KIF16B: variants seen among roughly 807,000 people sequenced by gnomAD.
KIF16B encodes kinesin family member 16B.
KIF16B carries 98 observed loss-of-function variants against 156.3 expected under a neutral mutation model. The ratio of observed to expected loss-of-function variants is 0.63; its 90% CI spans 0.53 to 0.74. The LOEUF (loss-of-function observed/expected upper bound fraction) is 0.74, where lower values mean the gene tolerates loss of function less well. KIF16B is among the 30% of genes least tolerant of loss of function. The probability of loss-of-function intolerance (pLI) is 0.00; values close to 1 mark genes in which losing one functional copy is unlikely to be tolerated. For missense variants in KIF16B, 1,421 were observed against 1,606.5 expected, an observed-to-expected ratio of 0.88 and a Z score of 1.97; for synonymous variants, 564 against 583.7, an observed-to-expected ratio of 0.97 and a Z score of 0.49.
chr20:16,442,650 C>T (rs758910431), intron 12 of KIF16B, among the ~76,000 whole-genome samples: 1 of 151,950 alleles, frequency 6.6e-6, no homozygotes, highest in Admixed American at 6.6e-5. Flanking sequence ...CTACTCTGCA[C>T]CATTCTTTCA....
intron 12 of KIF16B, among the ~76,000 whole-genome samples, chr20:16,482,470 T>G (rs1040015863): frequency 1.3e-5 from 2 of 152,000 alleles, no homozygotes; most frequent in Non-Finnish European, 2.9e-5. Flanking sequence ...TTGAGCCAAA[T>G]TCAAAACTAC....
chr20:16,423,993 G>A (rs2066289614), intron 15 of KIF16B, among the ~76,000 whole-genome samples: 1 of 152,020 alleles, frequency 6.6e-6, no homozygotes, highest in Admixed American at 6.6e-5. Context: ...GTCACTTCCT[G>A]GGCTAAAGGC....
chr20:16,536,838 A>T (rs2147204096), intron 1 of KIF16B, among the ~76,000 whole-genome samples: 1 of 151,760 alleles, frequency 6.6e-6, no homozygotes, highest in South Asian at 2.1e-4. Flanking sequence ...TCCACTGCAG[A>T]CTCTGGCTTC....
intron 3 of KIF16B, among the ~76,000 whole-genome samples, chr20:16,517,458 G>A (rs535858856): frequency 1.3e-5 from 2 of 152,250 alleles, no homozygotes; most frequent in South Asian, 2.1e-4. Context: ...TCATCAAAAC[G>A]CTACAGGGAG....
At chr20:16,319,073 T>A (rs1243736375) in intron 24 of KIF16B, among the ~76,000 whole-genome samples, 1 of 152,100 alleles carries the variant, frequency 6.6e-6, no homozygotes, top group Non-Finnish European at 1.5e-5. Flanking sequence ...CTCAAGAGTG[T>A]CAAGGTCACT....
intron 14 of KIF16B, among the ~76,000 whole-genome samples, chr20:16,428,572 T>C (rs761901): frequency 0.48 from 73,138 of 151,850 alleles, 18,360 homozygotes; most frequent in East Asian, 0.77. Context: ...TACAACCCTC[T>C]CCTTCAAAAG....
chr20:16,385,063 G>T (rs1278601155), intron 17 of KIF16B, among the ~76,000 whole-genome samples: 1 of 152,014 alleles, frequency 6.6e-6, no homozygotes, highest in Non-Finnish European at 1.5e-5. Context: ...CAGGCGTGGT[G>T]GTGGGCACCT....
chr20:16,488,763 C>T (rs1164527457), intron 12 of KIF16B, among the ~76,000 whole-genome samples: 1 of 152,142 alleles, frequency 6.6e-6, no homozygotes, highest in Non-Finnish European at 1.5e-5. Flanking sequence ...ACTAACTTCC[C>T]AGTTCCAAGA....
chr20:16,566,154 G>A (rs2071245901), intron 1 of KIF16B, among the ~76,000 whole-genome samples: 2 of 152,194 alleles, frequency 1.3e-5, no homozygotes, highest in Non-Finnish European at 2.9e-5. Flanking sequence ...TGCTTCTTCA[G>A]GGCTTTGTTT....
At chr20:16,530,281 T>C (rs1376897908) in intron 1 of KIF16B, among the ~76,000 whole-genome samples, 1 of 152,188 alleles carries the variant, frequency 6.6e-6, no homozygotes, top group African/African-American at 2.4e-5. Context: ...ATCCTTGCCC[T>C]TGACTATGGG....
chr20:16,570,071 A>T (rs2122211089), intron 1 of KIF16B, among the ~76,000 whole-genome samples: 1 of 152,106 alleles, frequency 6.6e-6, no homozygotes, highest in Admixed American at 6.5e-5. Flanking sequence ...TCTACCTTGG[A>T]ACTCTTTTAA....
chr20:16,480,548 G>A (rs1186013019), intron 12 of KIF16B, among the ~76,000 whole-genome samples: 1 of 152,222 alleles, frequency 6.6e-6, no homozygotes, highest in Non-Finnish European at 1.5e-5. Flanking sequence ...TAAATTAAGT[G>A]AAAACTCAGA....
Position 16,296,581 on chromosome 20 carries a change from C to CA in KIF16B, c.3795+15753dup, listed in dbSNP as rs199767886. ...TCCCTGTTATGTATTTGCCAAGCCT[C>CA]AAACACCTTGTAAATGAGCGTGGGA... On this transcript the variant is annotated intron_variant, in intron 25 of 25. Transcript: ENST00000354981. Among the ~76,000 whole-genome samples the CA allele has an allele frequency of 2.6e-3, 401 of 152,294 alleles. 5 individuals are homozygous for CA. Among genetic ancestry groups the CA allele is most frequent in the Admixed American group, 0.025 (375 of 15,300 alleles).
intron 15 of KIF16B, among the ~76,000 whole-genome samples, chr20:16,408,722 T>A (rs571443117): frequency 0.014 from 2,069 of 152,236 alleles, 27 homozygotes; most frequent in Non-Finnish European, 0.021. Context: ...AAAAGCCCTG[T>A]AAGGAGTTAT....
chr20:16,364,585 TG>T (rs2064619494), intron 22 of KIF16B, among the ~76,000 whole-genome samples: 2 of 152,192 alleles, frequency 1.3e-5, no homozygotes, highest in Non-Finnish European at 2.9e-5. Flanking sequence ...CTACTAGGAT[TG>T]AAATCACAGT....
intron 12 of KIF16B, among the ~76,000 whole-genome samples, chr20:16,477,416 G>A (rs912770542): frequency 6.6e-6 from 1 of 152,186 alleles, no homozygotes; most frequent in Non-Finnish European, 1.5e-5. Context: ...AACAAGGTTT[G>A]CATTGAAATC....
At chr20:16,511,011 G>A (rs1421779393) in intron 6 of KIF16B, among the ~76,000 whole-genome samples, 2 of 152,158 alleles carry the variant, frequency 1.3e-5, no homozygotes, top group Admixed American at 1.3e-4. Flanking sequence ...ACCCACAGAG[G>A]AAATCCTCCA....
At chr20:16,411,072 T>C (rs74985546) in intron 15 of KIF16B, among the ~76,000 whole-genome samples, 1,947 of 152,124 alleles carry the variant, frequency 0.013, 37 homozygotes, top group African/African-American at 0.044. Context: ...AGTAAGCAGA[T>C]ACTTTATCAC....
At chr20:16,277,048 C>T (rs76508065) in intron 25 of KIF16B, among the ~76,000 whole-genome samples, 4,498 of 152,256 alleles carry the variant, frequency 0.03, 70 homozygotes, top group Middle Eastern at 0.044. Flanking sequence ...CAAGGGCAAT[C>T]GCTATTCTGA....
Sources: allele counts gnomAD v4.1 joint callset (sites outside exome capture counted in the v4.1 genomes callset), GRCh38; gene constraint gnomAD v4.1.1; transcripts MANE v1.5; gene names NCBI Gene and HGNC (gene_info 2026-07-23, HGNC 2026-07-21).